Variants in HSD17B12 observed in about 807,000 individuals in gnomAD.
HSD17B12 encodes hydroxysteroid 17-beta dehydrogenase 12, also known as very-long-chain 3-oxoacyl-CoA reductase.
In HSD17B12, 32 loss-of-function variants were observed where a neutral mutation model predicts 39.3. The ratio of observed to expected loss-of-function variants is 0.81; its 90% CI spans 0.61 to 1.09. The LOEUF is 1.09. Ranked by LOEUF, HSD17B12 falls within the 50% of genes least tolerant of loss-of-function variation. The probability of loss-of-function intolerance (pLI) is 0.00; values close to 1 mark genes in which losing one functional copy is unlikely to be tolerated. For synonymous variants in HSD17B12, 150 were observed against 146.7 expected, an observed-to-expected ratio of 1.02 and a Z score of -0.16; for missense variants, 342 against 382.9, an observed-to-expected ratio of 0.89 and a Z score of 0.89.
the HSD17B12 span, among the ~76,000 whole-genome samples, chr11:43,578,581 C>T: frequency 1.3e-5 from 2 of 152,220 alleles, no homozygotes; most frequent in East Asian, 3.8e-4. Flanking sequence ...CACCCCGCGG[C>T]CTCCTCGTCA....
chr11:43,678,885 T>G (rs1272166946), upstream of HSD17B12, among the ~76,000 whole-genome samples: 10 of 152,340 alleles, frequency 6.6e-5, no homozygotes, highest in Admixed American at 3.3e-4. Flanking sequence ...TCCAGCTTTG[T>G]TCTTTTGGCT....
At chr11:43,725,682 T>C (rs1950214531) in intron 1 of HSD17B12, among the ~76,000 whole-genome samples, 1 of 152,108 alleles carries the variant, frequency 6.6e-6, no homozygotes, top group Non-Finnish European at 1.5e-5. Context: ...ACATTCTAAT[T>C]GGGGAGAGAG....
At chr11:43,794,202 A>G (rs959774343) in intron 3 of HSD17B12, among the ~76,000 whole-genome samples, 1 of 152,228 alleles carries the variant, frequency 6.6e-6, no homozygotes, top group African/African-American at 2.4e-5. Flanking sequence ...TAGCTCATAC[A>G]ATTTCAGATA....
intron 4 of HSD17B12, among the ~76,000 whole-genome samples, chr11:43,805,689 T>C (rs1252648226): frequency 1.3e-5 from 2 of 152,132 alleles, no homozygotes; most frequent in African/African-American, 2.4e-5. Context: ...TTTCTAAGGG[T>C]ATAAAACACT....
the HSD17B12 span, among the ~76,000 whole-genome samples, chr11:43,598,264 G>C: frequency 6.6e-6 from 1 of 152,164 alleles, no homozygotes; most frequent in Non-Finnish European, 1.5e-5. Flanking sequence ...TTCTTCCCAA[G>C]TGAATCCTGC....
intron 1 of HSD17B12, among the ~76,000 whole-genome samples, chr11:43,689,139 T>G (rs934416105): frequency 6.6e-6 from 1 of 152,220 alleles, no homozygotes; most frequent in Non-Finnish European, 1.5e-5. Context: ...TAGATCCCCT[T>G]AGTGAGTAAA....
chr11:43,602,360 G>A, the HSD17B12 span, among the ~76,000 whole-genome samples: 1 of 152,130 alleles, frequency 6.6e-6, no homozygotes, highest in Non-Finnish European at 1.5e-5. Context: ...AAAAACACAA[G>A]AACCTTTTAG....
At chr11:43,571,122 A>T in the HSD17B12 span, among the ~76,000 whole-genome samples, 4 of 152,234 alleles carry the variant, frequency 2.6e-5, no homozygotes, top group Admixed American at 2.6e-4. Context: ...CTGCTTTAAT[A>T]GTGAATGAAT....
the HSD17B12 span, among the ~76,000 whole-genome samples, chr11:43,610,731 G>T: frequency 6.6e-6 from 1 of 152,000 alleles, no homozygotes; most frequent in African/African-American, 2.4e-5. Flanking sequence ...TTTGTTCTTG[G>T]GCATATTTAA....
At chr11:43,819,930 T>C (rs1307097793) in intron 6 of HSD17B12, among the ~76,000 whole-genome samples, 1 of 152,220 alleles carries the variant, frequency 6.6e-6, no homozygotes, top group Non-Finnish European at 1.5e-5. Context: ...TGTGTACTTC[T>C]AATAGAAAAA....
At chr11:43,642,425 C>T in the HSD17B12 span, among the ~76,000 whole-genome samples, 515 of 151,490 alleles carry the variant, frequency 3.4e-3, 3 homozygotes, top group East Asian at 0.03. Context: ...TCAGTTTTTA[C>T]CTCTTATATT....
chr11:43,758,968 A>T (rs1950534502), intron 3 of HSD17B12, among the ~76,000 whole-genome samples: 1 of 152,192 alleles, frequency 6.6e-6, no homozygotes, highest in South Asian at 2.1e-4. Context: ...TTGTCTTGTG[A>T]TCCTACTCCT....
the HSD17B12 span, among the ~76,000 whole-genome samples, chr11:43,651,052 A>T: frequency 1.3e-5 from 2 of 152,224 alleles, no homozygotes; most frequent in Non-Finnish European, 2.9e-5. Context: ...ATCAGATAGA[A>T]GCAAAAGACT....
intron 3 of HSD17B12, among the ~76,000 whole-genome samples, chr11:43,787,161 C>A (rs926807965): frequency 2.0e-5 from 3 of 152,010 alleles, no homozygotes; most frequent in African/African-American, 7.2e-5. Flanking sequence ...AGGCTGATCG[C>A]AAGCTACTGA....
At chr11:43,711,018 C>A (rs985035871) in intron 1 of HSD17B12, among the ~76,000 whole-genome samples, 1 of 152,172 alleles carries the variant, frequency 6.6e-6, no homozygotes, top group Non-Finnish European at 1.5e-5. Flanking sequence ...GTCTCGAACT[C>A]CTGACCTCAA....
At chr11:43,694,832 A>G (rs1038461955) in intron 1 of HSD17B12, among the ~76,000 whole-genome samples, 6 of 152,202 alleles carry the variant, frequency 3.9e-5, no homozygotes, top group African/African-American at 1.2e-4. Context: ...TCTGTAAGAA[A>G]AGAGCATGGG....
chr11:43,665,441 A>C, the HSD17B12 span, among the ~76,000 whole-genome samples: 1 of 151,764 alleles, frequency 6.6e-6, no homozygotes, highest in African/African-American at 2.4e-5. Context: ...CTGATCTCGA[A>C]CTCCTGACCT....
intron 3 of HSD17B12, among the ~76,000 whole-genome samples, chr11:43,772,106 A>G (rs1400965808): frequency 6.6e-6 from 1 of 152,196 alleles, no homozygotes; most frequent in Non-Finnish European, 1.5e-5. Context: ...TTCAACCTAC[A>G]AAATTTTATC....
At chr11:43,630,805 C>CT in the HSD17B12 span, among the ~76,000 whole-genome samples, 7,345 of 137,946 alleles carry the variant, frequency 0.053, 311 homozygotes, top group South Asian at 0.12. Flanking sequence ...TTTTTTCTTT[C>CT]TTTTTTTTTT....
Sources: allele counts gnomAD v4.1 joint callset (sites outside exome capture counted in the v4.1 genomes callset), GRCh38; gene constraint gnomAD v4.1.1; transcripts MANE v1.5; gene names NCBI Gene and HGNC (gene_info 2026-07-23, HGNC 2026-07-21).